Variants in CHL1 observed in about 807,000 individuals in gnomAD.
CHL1 encodes cell adhesion molecule L1 like, also known as neural cell adhesion molecule L1-like protein.
Under a neutral mutation model 141.9 loss-of-function variants are expected in CHL1, and 96 were observed. That is an observed-to-expected ratio of 0.68 (90% confidence interval 0.57 to 0.80). CHL1 has a LOEUF of 0.80. Among genes scored for constraint, CHL1 ranks in the 30% least tolerant of loss-of-function variants. CHL1 has a pLI of 0.00. For synonymous variants in CHL1, 613 were observed against 502.2 expected (o/e 1.22, Z -2.95); for missense variants, 1,820 against 1,457.2 (o/e 1.25, Z -4.05).
intron 3 of CHL1, among the ~76,000 whole-genome samples, chr3:322,303 TA>T (rs35283349): frequency 2.0e-4 from 31 of 151,510 alleles, no homozygotes; most frequent in Non-Finnish European, 4.0e-4. Context: ...AATGAAAAAT[TA>T]AAAAAATAGA....
intron 2 of CHL1, among the ~76,000 whole-genome samples, chr3:264,993 T>C (rs892777437): frequency 2.0e-5 from 3 of 152,324 alleles, no homozygotes; most frequent in Admixed American, 1.3e-4. Context: ...ATAATGATGT[T>C]ACATCACGTC....
At position 366,125 on chromosome 3, in the gene CHL1, C is replaced by G. The variant is rs765523385; in HGVS notation, c.1751+10C>G. ...GCACAGAAGATGGCAGGTAGGTAAACTATTATGATATGTCATAATATTTGC... is the reference window on the plus strand; with the variant it reads ...GCACAGAAGATGGCAGGTAGGTAAAGTATTATGATATGTCATAATATTTGC... On this transcript the variant is annotated intron_variant, in intron 15 of 27. Transcript: ENST00000256509. 1.9e-6 allele frequency: 3 copies of G among 1,610,906 alleles called. No individual in the cohort carries two copies. The highest frequency in any genetic ancestry group is 1.3e-5 in the African/African-American group (1 of 74,840).
chr3:296,649 A>G (rs923311489), intron 2 of CHL1, among the ~76,000 whole-genome samples: 5 of 152,222 alleles, frequency 3.3e-5, no homozygotes, highest in Admixed American at 2.6e-4. Context: ...GTTAGATGGT[A>G]TGGATGCCCC....
intron 13 of CHL1, among the ~76,000 whole-genome samples, chr3:362,499 T>C (rs902383254): frequency 3.9e-5 from 6 of 152,150 alleles, no homozygotes; most frequent in Admixed American, 6.6e-5. Context: ...GAAATATTAT[T>C]TACCTTGCTT....
chr3:398,262 A>C lies in CHL1; in HGVS notation c.3130A>C (p.Thr1044Pro). Reference sequence around the variant, plus strand: ...CGGGAAGATATCAGGAGTAAATCTTACTCAAAAGACTCACCCAATAGAGGT... The same window carrying C: ...CGGGAAGATATCAGGAGTAAATCTTCCTCAAAAGACTCACCCAATAGAGGT... ...GIGKISGVNL[T>P]QKTHPIEVFE... Residue 1044 changes from threonine to proline, a missense_variant, in exon 25 of 28, where the codon ACT becomes CCT. Thr to Pro is a conservative substitution (Grantham distance 38). Transcript: ENST00000256509. 6.2e-7 allele frequency: 1 copy of C among 1,605,512 alleles called. No homozygotes were observed. Among genetic ancestry groups the C allele is most frequent in the Non-Finnish European group, 8.5e-7 (1 of 1,172,914 alleles).
chr3:365,919 TCTAA>T, intron 14 of CHL1, 27 bp from the exon 15 acceptor site: 1 of 1,589,310 alleles, frequency 6.3e-7, no homozygotes, highest in South Asian at 1.1e-5. Context: ...TACGCTTAGT[TCTAA>T]CTAATATCTT....
intron 19 of CHL1, among the ~76,000 whole-genome samples, chr3:388,752 A>T (rs539691673): frequency 6.6e-6 from 1 of 152,154 alleles, no homozygotes; most frequent in Admixed American, 6.5e-5. Flanking sequence ...TATTTACATG[A>T]TCTCTCTCTT....
intron 2 of CHL1, among the ~76,000 whole-genome samples, chr3:291,838 G>A (rs888105932): frequency 1.3e-5 from 2 of 152,098 alleles, no homozygotes; most frequent in African/African-American, 2.4e-5. Flanking sequence ...GTCTGCAGAA[G>A]GATTTTAAAA....
intron 2 of CHL1, among the ~76,000 whole-genome samples, chr3:248,909 T>G (rs1342880547): frequency 6.6e-6 from 1 of 152,194 alleles, no homozygotes; most frequent in Non-Finnish European, 1.5e-5. Flanking sequence ...CATGACAGAC[T>G]GCACATATAA....
At position 406,842 on chromosome 3, in the gene CHL1, T is replaced by C. The variant is rs1389369681; in HGVS notation, c.*1131T>C. 4 of 152,116 alleles carry C rather than the reference T, an allele frequency of 2.6e-5. No individual in the cohort carries two copies. The East Asian group carries it at 7.7e-4, about 29-fold the overall frequency. The allele number at this position is 152,116 out of a possible 1,614,324, so 9.4% of individuals were successfully genotyped here. ...TCAACAGTTTCAAAATAAAATATCA[T>C]ATAAATATTGAGGGAAATGTTTTCA... On this transcript the variant is annotated 3_prime_UTR_variant, in exon 28 of 28. Coordinates refer to ENST00000256509, the MANE Select transcript of CHL1 (RefSeq NM_006614.4).
chr3:319,320 G>A (rs1437597602), intron 2 of CHL1, among the ~76,000 whole-genome samples: 1 of 151,496 alleles, frequency 6.6e-6, no homozygotes, highest in Non-Finnish European at 1.5e-5. Context: ...AAGATTCAGT[G>A]GCACTCAATT....
At chr3:213,918 C>A (rs1167571961) in intron 1 of CHL1, among the ~76,000 whole-genome samples, 2 of 152,102 alleles carry the variant, frequency 1.3e-5, no homozygotes, top group Non-Finnish European at 2.9e-5. Flanking sequence ...GATTTAAATA[C>A]CTGTCTCAAG....
At chr3:386,672 T>C (rs934506205) in intron 19 of CHL1, among the ~76,000 whole-genome samples, 1 of 152,158 alleles carries the variant, frequency 6.6e-6, no homozygotes, top group African/African-American at 2.4e-5. Context: ...CCACTAATGT[T>C]GGGAAGCAGG....
intron 1 of CHL1, among the ~76,000 whole-genome samples, chr3:227,828 G>A (rs933230139): frequency 6.6e-6 from 1 of 152,176 alleles, no homozygotes; most frequent in Non-Finnish European, 1.5e-5. Context: ...TTTTGTTACA[G>A]TATTGTGCTG....
intron 2 of CHL1, among the ~76,000 whole-genome samples, chr3:300,416 A>C (rs1698619511): frequency 6.6e-6 from 1 of 152,152 alleles, no homozygotes; most frequent in African/African-American, 2.4e-5. Context: ...TTGGGTTCTG[A>C]TGACTTTGTG....
chr3:342,251 G>A (rs772335991), intron 7 of CHL1, among the ~76,000 whole-genome samples, 169 bp downstream of exon 7: 4 of 152,144 alleles, frequency 2.6e-5, no homozygotes, highest in East Asian at 1.9e-4. Flanking sequence ...GCAGATTCAC[G>A]GTAGCTCTGT....
chr3:338,085 C>G (rs950393812), intron 5 of CHL1, among the ~76,000 whole-genome samples: 1 of 152,066 alleles, frequency 6.6e-6, no homozygotes, highest in Non-Finnish European at 1.5e-5. Flanking sequence ...AGGATGGTCT[C>G]GATCTCCTGA....
intron 3 of CHL1, among the ~76,000 whole-genome samples, chr3:325,688 A>C (rs1306395584): frequency 2.0e-5 from 3 of 152,056 alleles, no homozygotes; most frequent in East Asian, 1.9e-4. Context: ...TTGTGATGAC[A>C]TAGCAACTTT....
At chr3:397,397 T>TG (rs1365546122) in intron 24 of CHL1, among the ~76,000 whole-genome samples, 3 of 152,100 alleles carry the variant, frequency 2.0e-5, no homozygotes, top group Non-Finnish European at 4.4e-5. Context: ...CTGTAACATA[T>TG]ACCCACTTAA....
Sources: gnomAD v4.1 joint callset for allele counts (sites outside exome capture counted in the v4.1 genomes callset) on GRCh38, gnomAD v4.1.1 for gene constraint, MANE v1.5 for transcripts, NCBI Gene and HGNC (gene_info 2026-07-23, HGNC 2026-07-21) for gene names.